Variants in AMBRA1 observed in about 807,000 individuals in gnomAD.
AMBRA1 encodes the protein activating molecule in BECN1-regulated autophagy protein 1.
In AMBRA1, 47 loss-of-function variants were observed where a neutral mutation model predicts 125.4. The observed-to-expected ratio is 0.37, with a 90% CI of 0.30 to 0.48. AMBRA1 has a LOEUF of 0.48. AMBRA1 is among the 20% of genes least tolerant of loss of function. The probability of loss-of-function intolerance (pLI) is 0.99; values close to 1 mark genes in which losing one functional copy is unlikely to be tolerated. For missense variants in AMBRA1, 1,331 were observed against 1,693.4 expected, an observed-to-expected ratio of 0.79 and a Z score of 3.76; for synonymous variants, 626 against 655.5, an observed-to-expected ratio of 0.95 and a Z score of 0.69.
intron 9 of AMBRA1, among the ~76,000 whole-genome samples, chr11:46,503,060 CAAA>C (rs35217088): frequency 0.011 from 347 of 30,980 alleles, no homozygotes; most frequent in African/African-American, 0.026. Context: ...GACTCTGTCT[CAAA>C]AAAAAAAAAA....
At chr11:46,429,218 C>A (rs533365506) in intron 14 of AMBRA1, 3 of 1,284,706 alleles carry the variant, frequency 2.3e-6, no homozygotes, top group Non-Finnish European at 2.2e-6. Context: ...CGCCTACCAG[C>A]GGCCCCCTAC....
At chr11:46,581,592 C>A (rs983379940) in intron 1 of AMBRA1, among the ~76,000 whole-genome samples, 1 of 151,732 alleles carries the variant, frequency 6.6e-6, no homozygotes, top group African/African-American at 2.4e-5. Context: ...GGTGACAGTG[C>A]GAGACTTCCT....
At position 46,411,762 on chromosome 11, in the gene AMBRA1, C is replaced by T. The variant is rs554043908; in HGVS notation, c.3117-1394G>A. 3.9e-5 allele frequency among the ~76,000 whole-genome samples: 6 copies of T among 152,242 alleles called. No homozygotes were observed. The East Asian group carries it at 9.7e-4, about 24-fold the overall frequency. ...AGGATTACAGGCATGAACCACTGCG[C>T]CCAGCCCAAATCTGTCTTTTTAATT... On this transcript the variant is annotated intron_variant, in intron 15 of 17. Coordinates refer to ENST00000683756, the MANE Select transcript of AMBRA1 (RefSeq NM_001387011.1).
intron 11 of AMBRA1, among the ~76,000 whole-genome samples, chr11:46,468,840 AAG>A (rs1201422466): frequency 6.6e-6 from 1 of 151,050 alleles, no homozygotes; most frequent in African/African-American, 2.4e-5. Context: ...AAAAAAGAAA[AAG>A]AGAGAAAGAA....
intron 11 of AMBRA1, among the ~76,000 whole-genome samples, chr11:46,447,465 G>A (rs1445071098): frequency 6.6e-6 from 1 of 152,130 alleles, no homozygotes; most frequent in Non-Finnish European, 1.5e-5. Flanking sequence ...AACCCAGGAG[G>A]AGGAGGTTGC....
chr11:46,570,629 CCCCATTGAACAGTAATTTGATTGCT>C, intron 1 of AMBRA1, among the ~76,000 whole-genome samples: 2 of 152,240 alleles, frequency 1.3e-5, no homozygotes, highest in Middle Eastern at 6.8e-3. Context: ...TTACTTGCCC[CCCCATTGAACAGTAATTTGATTGCT>C]GTTAATATTT....
At chr11:46,545,166 G>GA (rs1952948342) in intron 5 of AMBRA1, among the ~76,000 whole-genome samples, 1 of 128,298 alleles carries the variant, frequency 7.8e-6, no homozygotes, top group Non-Finnish European at 1.7e-5. Flanking sequence ...AAAGCCGGGG[G>GA]GGGGGGGGTG....
At chr11:46,497,139 A>G (rs1950663645) in intron 9 of AMBRA1, among the ~76,000 whole-genome samples, 1 of 151,878 alleles carries the variant, frequency 6.6e-6, no homozygotes, top group South Asian at 2.1e-4. Context: ...AAAATAAAAT[A>G]AAATAAAAAA....
chr11:46,463,539 C>T (rs1010178180), intron 11 of AMBRA1, among the ~76,000 whole-genome samples: 9 of 152,148 alleles, frequency 5.9e-5, no homozygotes, highest in Admixed American at 2.6e-4. Context: ...TAAGTACCTC[C>T]GAATCCTTGC....
At chr11:46,430,380 C>T (rs1017372994) in intron 14 of AMBRA1, among the ~76,000 whole-genome samples, 4 of 152,176 alleles carry the variant, frequency 2.6e-5, no homozygotes, top group African/African-American at 9.6e-5. Flanking sequence ...AGGGCAGACA[C>T]CTAAAATGAA....
At chr11:46,590,801 C>G (rs1004611342) in intron 1 of AMBRA1, among the ~76,000 whole-genome samples, 1 of 151,666 alleles carries the variant, frequency 6.6e-6, no homozygotes, top group African/African-American at 2.4e-5. Flanking sequence ...ATCCCAGCTA[C>G]GCAAGGAGGG....
At position 46,396,969 on chromosome 11, in the gene AMBRA1, G is replaced by A. The variant is rs1296543446; in HGVS notation, c.*481C>T. On this transcript the variant is annotated 3_prime_UTR_variant, in exon 18 of 18. Transcript: ENST00000683756. ...CAGTGGGGTAAGACGACGAAGAGAG[G>A]CTGAAGCTCTGGAAGGCTCAGAGTT... is the stretch of plus-strand genomic sequence containing the variant. 1 of 153,810 alleles carries A rather than the reference G, an allele frequency of 6.5e-6. No homozygotes were observed. Among genetic ancestry groups the A allele is most frequent in the Admixed American group, 6.5e-5 (1 of 15,310 alleles). 9.5% of individuals were successfully genotyped at this position (153,810 alleles called of 1,614,324 possible). A position where few individuals can be genotyped will look rare whatever the true frequency, so the allele number is the denominator to read the frequency against.
intron 9 of AMBRA1, among the ~76,000 whole-genome samples, chr11:46,505,593 A>T (rs1004775457): frequency 1.4e-5 from 2 of 142,206 alleles, no homozygotes; most frequent in African/African-American, 5.3e-5. Flanking sequence ...GCAATATAAG[A>T]CCCCCTGAGA....
At chr11:46,546,895 TC>T in intron 4 of AMBRA1, 1 of 377,598 alleles carries the variant, frequency 2.6e-6, no homozygotes, top group Non-Finnish European at 4.8e-6. Flanking sequence ...ACATAGTGAA[TC>T]CCCGTCTCTA....
intron 7 of AMBRA1, among the ~76,000 whole-genome samples, chr11:46,530,883 T>C (rs1952184243): frequency 6.6e-6 from 1 of 152,210 alleles, no homozygotes; most frequent in South Asian, 2.1e-4. Context: ...CTCTCATTCA[T>C]TGATTCATTC....
At chr11:46,426,921 T>C in intron 14 of AMBRA1, among the ~76,000 whole-genome samples, 1 of 152,168 alleles carries the variant, frequency 6.6e-6, no homozygotes, top group East Asian at 1.9e-4. Context: ...TAAAATATCA[T>C]TATTTTTGGT....
intron 7 of AMBRA1, among the ~76,000 whole-genome samples, chr11:46,534,594 G>GTT (rs993013522): frequency 6.6e-6 from 1 of 152,216 alleles, no homozygotes; most frequent in African/African-American, 2.4e-5. Flanking sequence ...ATCAATCACA[G>GTT]TTTACAAGCC....
At chr11:46,429,891 C>T (rs1042382281) in intron 14 of AMBRA1, among the ~76,000 whole-genome samples, 1 of 151,878 alleles carries the variant, frequency 6.6e-6, no homozygotes, top group Non-Finnish European at 1.5e-5. Context: ...TAACAAAAAG[C>T]CCTCTCTGGC....
intron 11 of AMBRA1, among the ~76,000 whole-genome samples, chr11:46,477,100 C>CAAAA (rs966567377): frequency 1.4e-5 from 1 of 72,078 alleles, no homozygotes; most frequent in Admixed American, 1.7e-4. Flanking sequence ...AAGACTGTCT[C>CAAAA]AAAAAAAAAA....
Sources: gnomAD v4.1 joint callset for allele counts (sites outside exome capture counted in the v4.1 genomes callset) on GRCh38, gnomAD v4.1.1 for gene constraint, MANE v1.5 for transcripts, NCBI Gene and HGNC (gene_info 2026-07-23, HGNC 2026-07-21) for gene names.